Variants in TENM1 observed in about 807,000 individuals in gnomAD.
TENM1 encodes teneurin transmembrane protein 1.
In TENM1, 35 loss-of-function variants were observed where a neutral mutation model predicts 174.8. The observed-to-expected ratio is 0.20, with a 90% confidence interval of 0.15 to 0.27. The LOEUF is 0.27. Among genes scored for constraint, TENM1 ranks in the 10% least tolerant of loss-of-function variants. TENM1 has a pLI of 1.00. For missense variants in TENM1, 1,633 were observed against 2,130.1 expected (o/e 0.77, Z 4.59); for synonymous variants, 781 against 798.7 (o/e 0.98, Z 0.37).
Position 124,669,612 on chromosome X carries a change from A to G in TENM1, c.1168+2071T>C, listed in dbSNP as rs192421284. On this transcript the variant is annotated intron_variant, in intron 6 of 31. Coordinates refer to ENST00000422452, the Ensembl canonical transcript of TENM1. ...GTAAGTAATATGCAGTAAAGACCTA[A>G]TACAGCAAAACCATGATGTGCAGTT... is the stretch of plus-strand genomic sequence containing the variant. 1.5e-4 allele frequency among the ~76,000 whole-genome samples: 17 copies of G among 111,366 alleles called. No homozygotes were observed. The East Asian group carries it at 4.8e-3, about 32-fold the overall frequency.
the TENM1 span, among the ~76,000 whole-genome samples, chrX:125,109,534 C>G: frequency 9.0e-6 from 1 of 110,818 alleles, no homozygotes; most frequent in Admixed American, 9.6e-5. Flanking sequence ...TCCCATCGCC[C>G]TCCCCACTCC....
chrX:124,932,530 A>G (rs1012525362), intron 1 of TENM1, among the ~76,000 whole-genome samples: 1 of 112,369 alleles, frequency 8.9e-6, no homozygotes, highest in Non-Finnish European at 1.9e-5. Flanking sequence ...TGTGAATGTC[A>G]GACAATAAAA....
intron 18 of TENM1, among the ~76,000 whole-genome samples, chrX:124,509,334 G>A: frequency 9.0e-6 from 1 of 111,032 alleles, no homozygotes. Flanking sequence ...GGTGGCTAGA[G>A]AGTCAGTTTC....
chrX:124,871,882 A>T (rs1169019363), intron 3 of TENM1, among the ~76,000 whole-genome samples: 1 of 110,476 alleles, frequency 9.1e-6, no homozygotes, highest in Non-Finnish European at 1.9e-5. Context: ...AAATACAAAA[A>T]TTAGCTGGGT....
At chrX:124,890,365 T>C (rs1234690734) in intron 3 of TENM1, among the ~76,000 whole-genome samples, 2 of 111,843 alleles carry the variant, frequency 1.8e-5, no homozygotes, top group Admixed American at 1.9e-4. Flanking sequence ...AGTAGGACTG[T>C]CAAAGTCTTC....
intron 23 of TENM1, among the ~76,000 whole-genome samples, chrX:124,450,217 G>A (rs751338809): frequency 3.0e-4 from 33 of 110,614 alleles, no homozygotes; most frequent in African/African-American, 4.6e-4. Context: ...AAAATTAGCC[G>A]GGCGTGATGG....
At chrX:124,613,238 C>T (rs746883260) in intron 11 of TENM1, among the ~76,000 whole-genome samples, 1 of 111,387 alleles carries the variant, frequency 9.0e-6, no homozygotes, top group African/African-American at 3.3e-5. Flanking sequence ...AAGTCATGTA[C>T]ATCAGCTTAA....
the TENM1 span, among the ~76,000 whole-genome samples, chrX:125,123,690 GCTC>G: frequency 1.8e-5 from 2 of 111,693 alleles, no homozygotes; most frequent in African/African-American, 3.3e-5. Flanking sequence ...TTTGTAGACT[GCTC>G]CTCAATTAAA....
chrX:124,439,581 T>C (rs1458097423), intron 23 of TENM1, among the ~76,000 whole-genome samples: 1 of 111,624 alleles, frequency 9.0e-6, no homozygotes, highest in Admixed American at 9.5e-5. Context: ...TGGAACATGT[T>C]TGCTACAGCC....
At chrX:124,743,502 A>C (rs1182731697) in intron 3 of TENM1, among the ~76,000 whole-genome samples, 2 of 112,215 alleles carry the variant, frequency 1.8e-5, no homozygotes, top group South Asian at 7.4e-4. Flanking sequence ...ACTGAAGCAG[A>C]TGACTGAAGG....
the TENM1 span, among the ~76,000 whole-genome samples, chrX:125,134,155 A>C: frequency 1.2e-4 from 14 of 112,014 alleles, no homozygotes; most frequent in Non-Finnish European, 3.8e-5. Context: ...GGTAAGATAA[A>C]GGTAAGATTA....
At chrX:124,401,783 A>C (rs2147659508) in intron 27 of TENM1, among the ~76,000 whole-genome samples, 1 of 112,069 alleles carries the variant, frequency 8.9e-6, no homozygotes, top group African/African-American at 3.2e-5. Context: ...AAAAAAAATC[A>C]CTAGGAATAG....
chrX:124,788,427 C>T (rs991043618), intron 3 of TENM1, among the ~76,000 whole-genome samples: 8 of 111,832 alleles, frequency 7.2e-5, no homozygotes, highest in Non-Finnish European at 1.1e-4. Flanking sequence ...AAAGTCTCAA[C>T]GCATTTCGAC....
At chrX:124,538,658 C>A (rs952424167) in intron 15 of TENM1, among the ~76,000 whole-genome samples, 1 of 111,316 alleles carries the variant, frequency 9.0e-6, no homozygotes, top group East Asian at 2.8e-4. Flanking sequence ...AGGTCTTTAA[C>A]AAATAGATTC....
At chrX:124,497,108 A>G in exon 20 of TENM1, 4 of 1,210,531 alleles carry the variant, frequency 3.3e-6, no homozygotes, top group Non-Finnish European at 3.4e-6. Context: ...CAGGGCCAGA[A>G]GCTAAGGCGA....
At chrX:124,986,302 T>G in the TENM1 span, among the ~76,000 whole-genome samples, 1 of 111,570 alleles carries the variant, frequency 9.0e-6, no homozygotes, top group East Asian at 2.8e-4. Flanking sequence ...CTCCTCTTAT[T>G]AAAAAATGAA....
At chrX:124,391,738 G>A (rs1336602171) in intron 28 of TENM1, among the ~76,000 whole-genome samples, 2 of 111,300 alleles carry the variant, frequency 1.8e-5, no homozygotes, top group Admixed American at 9.6e-5. Context: ...TTTTTCCCTC[G>A]GTATGAGCTT....
chrX:124,898,318 G>A (rs1045215023), intron 1 of TENM1, among the ~76,000 whole-genome samples: 9 of 111,135 alleles, frequency 8.1e-5, no homozygotes, highest in Middle Eastern at 4.2e-3. Context: ...TACTTGAAGT[G>A]GATGGGATCC....
At chrX:125,009,184 A>G in the TENM1 span, among the ~76,000 whole-genome samples, 1 of 109,238 alleles carries the variant, frequency 9.2e-6, no homozygotes, top group South Asian at 4.0e-4. Context: ...TAGACACAAT[A>G]AAAAATGATA....
Sources: allele counts gnomAD v4.1 joint callset (sites outside exome capture counted in the v4.1 genomes callset), GRCh38; gene constraint gnomAD v4.1.1; transcripts MANE v1.5; gene names NCBI Gene and HGNC (gene_info 2026-07-23, HGNC 2026-07-21).